Variants in DENND2A observed in about 807,000 individuals in gnomAD.
DENND2A encodes the protein DENN domain-containing protein 2A.
In DENND2A, 53 loss-of-function variants were observed where a neutral mutation model predicts 105.3. The observed-to-expected ratio is 0.50, with a 90% CI of 0.40 to 0.63. The LOEUF (loss-of-function observed/expected upper bound fraction) is 0.63, where lower values mean the gene tolerates loss of function less well. Among genes scored for constraint, DENND2A ranks in the 30% least tolerant of loss-of-function variants. DENND2A has a pLI of 0.00. For missense variants in DENND2A, 1,138 were observed against 1,279.6 expected, an observed-to-expected ratio of 0.89 and a Z score of 1.69; for synonymous variants, 522 against 508.4, an observed-to-expected ratio of 1.03 and a Z score of -0.36.
intron 1 of DENND2A, among the ~76,000 whole-genome samples, chr7:140,629,299 G>C (rs1452621140): frequency 2.6e-5 from 4 of 152,134 alleles, no homozygotes; most frequent in African/African-American, 9.7e-5. Context: ...ATTTGGAGGA[G>C]GACAACGAAA....
chr7:140,567,915 C>T (rs1055378651), intron 8 of DENND2A, among the ~76,000 whole-genome samples: 28 of 152,098 alleles, frequency 1.8e-4, no homozygotes, highest in Middle Eastern at 3.2e-3. Context: ...GTGGACAGGT[C>T]CCTGTCACCT....
chr7:140,601,836 G>T lies in DENND2A; in HGVS notation c.562C>A (p.Pro188Thr). The part of the protein sequence containing the change: ...DPQLPGTCYS[P>T]HCPPDKAEAG... ...TCTGCCTTGTCAGGAGGGCAGTGTGGGGAGTAACAAGTCCCTGGTAACTGG... is the reference window on the plus strand; with the variant it reads ...TCTGCCTTGTCAGGAGGGCAGTGTGTGGAGTAACAAGTCCCTGGTAACTGG... Residue 188 changes from proline (P) to threonine (T), a missense_variant, in exon 3 of 20, where the codon CCA (proline) becomes ACA (threonine). Coordinates refer to ENST00000496613, the MANE Select transcript of DENND2A (RefSeq NM_015689.5). 1 of 1,614,140 alleles carries T rather than the reference G, an allele frequency of 6.2e-7. No individual in the cohort carries two copies. Among genetic ancestry groups the T allele is most frequent in the Non-Finnish European group, 8.5e-7 (1 of 1,180,018 alleles).
chr7:140,617,534 T>C (rs954671652), intron 1 of DENND2A, among the ~76,000 whole-genome samples: 1 of 152,068 alleles, frequency 6.6e-6, no homozygotes, highest in Non-Finnish European at 1.5e-5. Context: ...CTGGCCAACA[T>C]GGTGAAACCG....
intron 12 of DENND2A, among the ~76,000 whole-genome samples, chr7:140,554,418 TCA>T: frequency 6.6e-6 from 1 of 152,048 alleles, no homozygotes; most frequent in Non-Finnish European, 1.5e-5. Flanking sequence ...GGTGGGTGGA[TCA>T]CTTGAGGTCA....
At chr7:140,636,315 C>T (rs1800929668) in intron 1 of DENND2A, among the ~76,000 whole-genome samples, 1 of 152,206 alleles carries the variant, frequency 6.6e-6, no homozygotes, top group African/African-American at 2.4e-5. Context: ...TCCAGGGCAG[C>T]TCCAGGGAAG....
chr7:140,530,569 T>G (rs1407452921), intron 14 of DENND2A, among the ~76,000 whole-genome samples: 1 of 152,048 alleles, frequency 6.6e-6, no homozygotes, highest in African/African-American at 2.4e-5. Flanking sequence ...GATTTCATTC[T>G]TATCCCTACA....
At chr7:140,591,892 T>G (rs373454730) in intron 3 of DENND2A, among the ~76,000 whole-genome samples, 3 of 119,906 alleles carry the variant, frequency 2.5e-5, no homozygotes, top group Admixed American at 8.0e-5. Flanking sequence ...CTTTCTTTCT[T>G]TCTTTTTCTT....
intron 14 of DENND2A, among the ~76,000 whole-genome samples, chr7:140,534,843 CA>C (rs561622588): frequency 1.5e-3 from 226 of 152,266 alleles, no homozygotes; most frequent in African/African-American, 5.2e-3. Context: ...ATCAATTGTA[CA>C]AAAGTGGGGC....
At chr7:140,607,138 T>C (rs1799720684) in intron 1 of DENND2A, among the ~76,000 whole-genome samples, 1 of 152,158 alleles carries the variant, frequency 6.6e-6, no homozygotes, top group Non-Finnish European at 1.5e-5. Context: ...CCCAACTCCT[T>C]CTTCAGTTTC....
At chr7:140,609,101 A>G (rs1393277781) in intron 1 of DENND2A, among the ~76,000 whole-genome samples, 2 of 152,214 alleles carry the variant, frequency 1.3e-5, no homozygotes, top group African/African-American at 4.8e-5. Flanking sequence ...TTGTGATCCA[A>G]GTAGACTATA....
Position 140,531,494 on chromosome 7 carries a change from C to G in DENND2A, c.2328-3999G>C, listed in dbSNP as rs375287951. 3.3e-5 allele frequency among the ~76,000 whole-genome samples: 5 copies of G among 152,220 alleles called. No homozygotes were observed. In the South Asian group the frequency reaches 6.2e-4, roughly 19 times the overall value. ...AGAGAGTGTGCTGCACGTTTCCCAG[C>G]TGTAAATAACTATCTGTGTGTGAGC... On this transcript the variant is annotated intron_variant, in intron 14 of 19. Coordinates refer to ENST00000496613, the MANE Select transcript of DENND2A (RefSeq NM_015689.5).
chr7:140,595,866 T>C (rs530968228), intron 3 of DENND2A, among the ~76,000 whole-genome samples: 10 of 152,020 alleles, frequency 6.6e-5, no homozygotes, highest in African/African-American at 2.2e-4. Context: ...ACTTCCATCC[T>C]CCTCCTCCAG....
At chr7:140,564,767 C>T (rs1247833856) in intron 9 of DENND2A, among the ~76,000 whole-genome samples, 3 of 152,194 alleles carry the variant, frequency 2.0e-5, no homozygotes, top group Non-Finnish European at 2.9e-5. Context: ...ATTAATGCTT[C>T]CTTGATTCCT....
intron 12 of DENND2A, among the ~76,000 whole-genome samples, 199 bp from the exon 13 acceptor site, chr7:140,547,138 T>C (rs531302425): frequency 6.6e-6 from 1 of 152,350 alleles, no homozygotes; most frequent in South Asian, 2.1e-4. Flanking sequence ...CCACACCCTT[T>C]GCCATGCAAT....
chr7:140,549,335 A>G (rs916856891), intron 12 of DENND2A, among the ~76,000 whole-genome samples: 1 of 151,828 alleles, frequency 6.6e-6, no homozygotes. Flanking sequence ...ATCTTGGCTC[A>G]CTGCAACCTC....
chr7:140,584,867 G>C (rs765348486), intron 5 of DENND2A, among the ~76,000 whole-genome samples: 2 of 152,026 alleles, frequency 1.3e-5, no homozygotes, highest in Non-Finnish European at 2.9e-5. Flanking sequence ...CCCACATATA[G>C]ACATGTGCGA....
At chr7:140,574,070 C>T in intron 5 of DENND2A, 62 bp from the exon 6 acceptor site, 1 of 1,575,468 alleles carries the variant, frequency 6.3e-7, no homozygotes, top group Non-Finnish European at 8.7e-7. Flanking sequence ...CGGGGGATAA[C>T]TGGTGGTGCC....
At chr7:140,589,104 G>C (rs1424610193) in intron 3 of DENND2A, among the ~76,000 whole-genome samples, 2 of 152,052 alleles carry the variant, frequency 1.3e-5, no homozygotes, top group Non-Finnish European at 2.9e-5. Flanking sequence ...AATTGCTCCA[G>C]GTATATTGGG....
rs376819636 is a variant in DENND2A at position 140,527,474 on chromosome 7, G to A, written c.2349C>T (p.His783=). The A allele has an allele frequency of 1.1e-3, 1,730 of 1,605,608 alleles. 33 individuals are homozygous for A. In the South Asian group the frequency reaches 0.018, roughly 16 times the overall value. ...AGGGGTAGATCAGCGCCACCATCGCGTGGCAGCACTTGGACAGGATGCTGC... is the reference window on the plus strand; with the variant it reads ...AGGGGTAGATCAGCGCCACCATCGCATGGCAGCACTTGGACAGGATGCTGC... The part of the protein sequence containing the change: ...DKLSILSKCC[H]AMVALIYPFA... The change falls in exon 15 of 20, where the codon CAC becomes CAT. Residue 783 remains histidine, a synonymous_variant. Coordinates refer to ENST00000496613, the MANE Select transcript of DENND2A (RefSeq NM_015689.5). This position sits in a 1 kb window ranked among gnomAD's most constrained non-coding sequence, Gnocchi z 4.9.
Sources: gnomAD v4.1 joint callset for allele counts (sites outside exome capture counted in the v4.1 genomes callset) on GRCh38, gnomAD v4.1.1 for gene constraint, Gnocchi (gnomAD v3.1) non-coding constraint, MANE v1.5 for transcripts, NCBI Gene and HGNC (gene_info 2026-07-23, HGNC 2026-07-21) for gene names.